Variants in CDH13 observed in about 807,000 individuals in gnomAD.
CDH13 encodes cadherin-13.
In CDH13, 24 loss-of-function variants were observed where a neutral mutation model predicts 63.8. The ratio of observed to expected loss-of-function variants is 0.38; its 90% CI spans 0.27 to 0.53. The LOEUF (loss-of-function observed/expected upper bound fraction) is 0.53. Among genes scored for constraint, CDH13 ranks in the 20% least tolerant of loss-of-function variants. The pLI is 0.85. For synonymous variants in CDH13, 503 were observed against 355.3 expected, an observed-to-expected ratio of 1.42 and a Z score of -4.67; for missense variants, 1,049 against 903.1, an observed-to-expected ratio of 1.16 and a Z score of -2.07.
chr16:82,801,022 C>T (rs917437339), intron 1 of CDH13, among the ~76,000 whole-genome samples: 1 of 152,136 alleles, frequency 6.6e-6, no homozygotes, highest in Non-Finnish European at 1.5e-5. Flanking sequence ...GTCTGTGACC[C>T]TTATTGAGCA....
intron 8 of CDH13, among the ~76,000 whole-genome samples, chr16:83,618,033 C>G (rs1909441572): frequency 6.6e-6 from 1 of 152,188 alleles, no homozygotes; most frequent in South Asian, 2.1e-4. Flanking sequence ...CCGCACCCAG[C>G]CTGCCGTGTA....
intron 1 of CDH13, among the ~76,000 whole-genome samples, chr16:82,760,186 C>G (rs2034778041): frequency 6.6e-6 from 1 of 152,154 alleles, no homozygotes; most frequent in African/African-American, 2.4e-5. Flanking sequence ...ATAGGCATAT[C>G]TGTGCCAGTT....
At chr16:82,973,624 C>T (rs1909081955) in intron 2 of CDH13, among the ~76,000 whole-genome samples, 1 of 152,168 alleles carries the variant, frequency 6.6e-6, no homozygotes, top group South Asian at 2.1e-4. Context: ...TAAAGACCTG[C>T]CCTCACTGAA....
intron 2 of CDH13, among the ~76,000 whole-genome samples, chr16:82,918,058 T>G (rs948795360): frequency 3.3e-5 from 5 of 152,204 alleles, no homozygotes; most frequent in African/African-American, 1.2e-4. Context: ...AAAAGAGGTT[T>G]GTTTTGGCAG....
At chr16:83,118,296 C>T (rs910621805) in intron 3 of CDH13, among the ~76,000 whole-genome samples, 3 of 152,162 alleles carry the variant, frequency 2.0e-5, no homozygotes, top group South Asian at 2.1e-4. Flanking sequence ...AGTGCGAAGA[C>T]GTGTGGCATA....
Position 82,671,930 on chromosome 16 carries a change from A to G in CDH13, c.45+44793A>G, listed in dbSNP as rs183802527. On this transcript the variant is annotated intron_variant, in intron 1 of 13. Transcript: ENST00000567109. ...CAGCATCATTTCTCTGTGTCTCACT[A>G]CAGAAGGAGGTCTTTGTTTATGAAT... Among the ~76,000 whole-genome samples, 192 of 152,294 alleles carry G rather than the reference A, an allele frequency of 1.3e-3. 1 individual carries two copies. In the Middle Eastern group the frequency reaches 0.014, roughly 11 times the overall value.
At chr16:82,904,029 CTATTAAAATTATAACCCGT>C (rs1754825456) in intron 2 of CDH13, among the ~76,000 whole-genome samples, 1 of 151,790 alleles carries the variant, frequency 6.6e-6, no homozygotes. Context: ...GCTTTTTTTT[CTATTAAAATTATAACCCGT>C]TATTAAAATA....
chr16:83,346,606 G>A (rs1054111055), intron 6 of CDH13, among the ~76,000 whole-genome samples: 11 of 152,138 alleles, frequency 7.2e-5, no homozygotes, highest in African/African-American at 2.4e-4. Flanking sequence ...TATATTATGT[G>A]TGTATATGAT....
intron 7 of CDH13, among the ~76,000 whole-genome samples, chr16:83,496,353 C>T (rs1438261622): frequency 2.0e-5 from 3 of 149,278 alleles, no homozygotes; most frequent in Admixed American, 6.7e-5. Context: ...AGAAATAACG[C>T]CGCATATCTA....
chr16:83,365,147 G>A (rs1358155142), intron 6 of CDH13, among the ~76,000 whole-genome samples: 1 of 152,232 alleles, frequency 6.6e-6, no homozygotes, highest in Non-Finnish European at 1.5e-5. Flanking sequence ...GGAGAGCCAG[G>A]AAAGCTGATG....
At chr16:83,052,241 T>C (rs1019172262) in intron 3 of CDH13, among the ~76,000 whole-genome samples, 2 of 152,244 alleles carry the variant, frequency 1.3e-5, no homozygotes, top group Non-Finnish European at 2.9e-5. Flanking sequence ...TTTTCTGTTA[T>C]AAAACTTCAA....
At chr16:83,134,570 A>G (rs1567863403) in intron 4 of CDH13, among the ~76,000 whole-genome samples, 2 of 131,382 alleles carry the variant, frequency 1.5e-5, no homozygotes, top group African/African-American at 6.4e-5. Context: ...AGAGAGAGAG[A>G]GAGAGAGAGA....
intron 6 of CDH13, among the ~76,000 whole-genome samples, chr16:83,436,316 C>T (rs2072302477): frequency 6.6e-6 from 1 of 152,024 alleles, no homozygotes; most frequent in African/African-American, 2.4e-5. Flanking sequence ...ATGCTTATGT[C>T]ATAGTAATTC....
At chr16:83,714,823 T>G (rs1046261238) in intron 10 of CDH13, among the ~76,000 whole-genome samples, 2 of 152,156 alleles carry the variant, frequency 1.3e-5, no homozygotes, top group African/African-American at 4.8e-5. Flanking sequence ...CTGATGATAC[T>G]CATCTATCTT....
intron 10 of CDH13, among the ~76,000 whole-genome samples, 172 bp from the exon 11 acceptor site, chr16:83,747,936 G>C (rs369215430): frequency 9.9e-5 from 15 of 152,040 alleles, no homozygotes; most frequent in African/African-American, 3.1e-4. Flanking sequence ...AGCAGACCCA[G>C]AGTCAGTGGC....
intron 2 of CDH13, chr16:82,858,753 C>A: frequency 1.8e-6 from 1 of 563,030 alleles, no homozygotes; most frequent in African/African-American, 1.9e-5. Context: ...GAGAGTTGTA[C>A]ACTGTGCAAA....
chr16:82,967,071 G>C (rs527606087), intron 2 of CDH13, among the ~76,000 whole-genome samples: 5 of 151,964 alleles, frequency 3.3e-5, no homozygotes, highest in Non-Finnish European at 5.9e-5. Context: ...TCTGTCTTTC[G>C]TGACCATGAC....
intron 2 of CDH13, among the ~76,000 whole-genome samples, chr16:82,885,796 C>G (rs564393176): frequency 3.3e-5 from 5 of 152,118 alleles, no homozygotes; most frequent in Non-Finnish European, 7.4e-5. Context: ...TTTTATGCTT[C>G]TATGGCCTTT....
chr16:83,415,496 G>A (rs1392336389), intron 6 of CDH13, among the ~76,000 whole-genome samples: 2 of 152,146 alleles, frequency 1.3e-5, no homozygotes, highest in Non-Finnish European at 2.9e-5. Flanking sequence ...CCTGATAAAT[G>A]TAGAAGCAAA....
Sources: gnomAD v4.1 joint callset for allele counts (sites outside exome capture counted in the v4.1 genomes callset) on GRCh38, gnomAD v4.1.1 for gene constraint, MANE v1.5 for transcripts, NCBI Gene and HGNC (gene_info 2026-07-23, HGNC 2026-07-21) for gene names.